ITIH5: variants seen among roughly 807,000 people sequenced by gnomAD.
The protein encoded by ITIH5 is inter-alpha-trypsin inhibitor heavy chain 5, also known as inter-alpha-trypsin inhibitor heavy chain H5.
A neutral mutation model predicts 77.5 loss-of-function variants in ITIH5; 65 were observed. The ratio of observed to expected loss-of-function variants is 0.84; its 90% CI spans 0.69 to 1.03. The LOEUF is 1.03. Ranked by LOEUF, ITIH5 falls within the 50% of genes least tolerant of loss-of-function variation. The probability of loss-of-function intolerance (pLI) is 0.00; values close to 1 mark genes in which losing one functional copy is unlikely to be tolerated. For missense variants in ITIH5, 1,208 were observed against 1,213.1 expected (o/e 1.00, Z 0.06); for synonymous variants, 525 against 494.3 (o/e 1.06, Z -0.82).
intron 5 of ITIH5, among the ~76,000 whole-genome samples, chr10:7,629,834 A>T (rs1303752793): frequency 6.6e-6 from 1 of 152,218 alleles, no homozygotes; most frequent in Non-Finnish European, 1.5e-5. Context: ...ATATATACCC[A>T]GAGGATGTGC....
At chr10:7,644,340 C>CAT (rs1833937132) in intron 2 of ITIH5, among the ~76,000 whole-genome samples, 15 of 144,668 alleles carry the variant, frequency 1.0e-4, no homozygotes, top group Admixed American at 7.6e-4. Flanking sequence ...ATATATATCA[C>CAT]ATATATCACA....
chr10:7,592,687 C>T (rs548264892), intron 7 of ITIH5, among the ~76,000 whole-genome samples: 4 of 152,050 alleles, frequency 2.6e-5, no homozygotes, highest in Admixed American at 6.5e-5. Context: ...ATCAATAACT[C>T]GGAGAACTGC....
chr10:7,625,946 A>G (rs533099322), intron 5 of ITIH5, among the ~76,000 whole-genome samples: 1 of 152,356 alleles, frequency 6.6e-6, no homozygotes, highest in African/African-American at 2.4e-5. Flanking sequence ...GCACAGCGCC[A>G]GAAACATGTG....
chr10:7,597,355 C>T (rs35054674), intron 7 of ITIH5, among the ~76,000 whole-genome samples: 4,731 of 152,182 alleles, frequency 0.031, 119 homozygotes, highest in Non-Finnish European at 0.048. Context: ...CCCGTCATCA[C>T]GCCATCTGAA....
chr10:7,582,632 A>G (rs967070968), intron 8 of ITIH5, among the ~76,000 whole-genome samples: 2 of 152,180 alleles, frequency 1.3e-5, no homozygotes, highest in Non-Finnish European at 2.9e-5. Context: ...TGGTACATAT[A>G]TACCATGGGG....
Position 7,563,099 on chromosome 10 carries a change from A to T in ITIH5, c.2813T>A (p.Met938Lys). 6.2e-7 allele frequency: 1 copy of T among 1,610,876 alleles called. No homozygotes were observed. Among genetic ancestry groups the T allele is most frequent in the Non-Finnish European group, 8.5e-7 (1 of 1,179,746 alleles). The change falls in exon 14 of 14, where the codon ATG becomes AAG. Residue 938 changes from methionine (M) to lysine (K), a missense_variant. Met to Lys is a moderately conservative substitution (Grantham distance 95). Coordinates refer to ENST00000397146, the MANE Select transcript of ITIH5 (RefSeq NM_030569.7). ...FDTGMTLGRG[M>K]SREL ...CTGCCAGCTTCAGAGCTCCCTGGAC[A>T]TTCCCCGGCCAAGTGTCATCCCTGT...
intron 7 of ITIH5, among the ~76,000 whole-genome samples, chr10:7,613,245 C>CAAA (rs58021308): frequency 1.7e-4 from 25 of 143,594 alleles, no homozygotes; most frequent in African/African-American, 6.6e-4. Context: ...GACTTCGTCT[C>CAAA]AAAAAAAAAA....
chr10:7,559,935 T>C lies in ITIH5; in HGVS notation c.*3148A>G. ...GGCGTGATCTTGGCTCACTACAAGT[T>C]CCGACTGCCTGGTTCAAGCGATTCT... On this transcript the variant is annotated 3_prime_UTR_variant, in exon 14 of 14. Transcript: ENST00000397146. 6.8e-6 allele frequency: 3 copies of C among 439,928 alleles called. No individual in the cohort carries two copies. The allele number at this position is 439,928 out of a possible 1,614,324, so 27.3% of individuals were successfully genotyped here. A position where few individuals can be genotyped will look rare whatever the true frequency, so the allele number is the denominator to read the frequency against.
chr10:7,582,160 C>T (rs182790588), intron 8 of ITIH5, among the ~76,000 whole-genome samples: 2 of 152,244 alleles, frequency 1.3e-5, no homozygotes, highest in Admixed American at 6.5e-5. Flanking sequence ...TGGCAGGGGC[C>T]ACAGCACCTG....
chr10:7,666,669 G>A (rs1299478002), intron 1 of ITIH5, 134 bp downstream of exon 1: 1 of 633,250 alleles, frequency 1.6e-6, no homozygotes, highest in African/African-American at 1.9e-5. Context: ...GTGACCCACA[G>A]AGAGGGACCC....
intron 1 of ITIH5, among the ~76,000 whole-genome samples, chr10:7,665,040 C>T (rs921323575): frequency 2.0e-5 from 3 of 152,048 alleles, no homozygotes; most frequent in Admixed American, 1.3e-4. Context: ...TAAAAAAGAA[C>T]GGATTAGGGA....
intron 8 of ITIH5, among the ~76,000 whole-genome samples, chr10:7,584,598 C>A (rs1223857722): frequency 6.6e-6 from 1 of 152,196 alleles, no homozygotes; most frequent in African/African-American, 2.4e-5. Flanking sequence ...AGCCACCCCA[C>A]CCGGCCCAGC....
intron 1 of ITIH5, among the ~76,000 whole-genome samples, chr10:7,655,958 T>A (rs745475538): frequency 6.6e-6 from 1 of 152,210 alleles, no homozygotes. Context: ...AGGAGATGGA[T>A]GAAATGACAA....
rs1373245328 is a variant in ITIH5 at position 7,560,746 on chromosome 10, C to G, written c.*2337G>C. ...CATATTTCTTCATCTCATTCAATTA[C>G]TCATTTTGGAACAACCCTCGCCCTG... On this transcript the variant is annotated 3_prime_UTR_variant, in exon 14 of 14. Coordinates refer to ENST00000397146, the MANE Select transcript of ITIH5 (RefSeq NM_030569.7). The G allele has an allele frequency of 6.6e-6, 1 of 152,152 alleles. No individual in the cohort carries two copies. Among genetic ancestry groups the G allele is most frequent in the Non-Finnish European group, 1.5e-5 (1 of 68,034 alleles). The allele number at this position is 152,152 out of a possible 1,614,324, so 9.4% of individuals were successfully genotyped here. A position where few individuals can be genotyped will look rare whatever the true frequency, so the allele number is the denominator to read the frequency against.
At position 7,576,845 on chromosome 10, in the gene ITIH5, T is replaced by C; in HGVS notation, c.1586A>G (p.Glu529Gly). The C allele has an allele frequency of 1.2e-6, 2 of 1,614,172 alleles. No individual in the cohort carries two copies. Among genetic ancestry groups the C allele is most frequent in the South Asian group, 2.2e-5 (2 of 91,068 alleles). The change falls in exon 10 of 14, where the codon GAG (glutamate) becomes GGG (glycine). Residue 529 changes from glutamate (E) to glycine (G), a missense_variant. Glu to Gly is a moderately conservative substitution (Grantham distance 98). Coordinates refer to ENST00000397146, the MANE Select transcript of ITIH5 (RefSeq NM_030569.7). ...VDRKLDHLHVEVTASNSKKFI... is the reference protein window; with the variant it reads ...VDRKLDHLHVGVTASNSKKFI... Reference sequence around the variant, plus strand: ...TTTCTTACTGTTGCTGGCGGTGACCTCCACGTGCAGGTGATCCAGCTTCCT... The same window carrying C: ...TTTCTTACTGTTGCTGGCGGTGACCCCCACGTGCAGGTGATCCAGCTTCCT...
At chr10:7,599,259 C>A (rs542720216) in intron 7 of ITIH5, among the ~76,000 whole-genome samples, 1 of 152,170 alleles carries the variant, frequency 6.6e-6, no homozygotes, top group East Asian at 1.9e-4. Context: ...AAGAACACAG[C>A]CTTAGTACAT....
intron 8 of ITIH5, among the ~76,000 whole-genome samples, chr10:7,585,596 T>G (rs942375975): frequency 6.6e-6 from 1 of 152,142 alleles, no homozygotes; most frequent in African/African-American, 2.4e-5. Flanking sequence ...AAAAACAGTA[T>G]TGTTTTTGTA....
At chr10:7,582,073 C>T (rs973702090) in intron 8 of ITIH5, among the ~76,000 whole-genome samples, 1 of 151,814 alleles carries the variant, frequency 6.6e-6, no homozygotes, top group Admixed American at 6.6e-5. Context: ...AGACGGGTTT[C>T]ACCATGTTGG....
chr10:7,629,132 A>AGCGTGTGTCCGTGTTGTG (rs1833655682), intron 5 of ITIH5, among the ~76,000 whole-genome samples: 1 of 106,986 alleles, frequency 9.3e-6, no homozygotes, highest in African/African-American at 4.1e-5. Context: ...TCCGTGTTGT[A>AGCGTGTGTCCGTGTTGTG]GCATGTGTCC....
Sources: gnomAD v4.1 joint callset for allele counts (sites outside exome capture counted in the v4.1 genomes callset) on GRCh38, gnomAD v4.1.1 for gene constraint, MANE v1.5 for transcripts, NCBI Gene and HGNC (gene_info 2026-07-23, HGNC 2026-07-21) for gene names.